STPG2: variants seen among roughly 807,000 people sequenced by gnomAD.
STPG2 encodes sperm tail PG-rich repeat containing 2, also known as sperm-tail PG-rich repeat-containing protein 2.
In STPG2, 56 loss-of-function variants were observed where a neutral mutation model predicts 54.2. The ratio of observed to expected loss-of-function variants is 1.03; its 90% CI spans 0.83 to 1.29. STPG2 has a LOEUF of 1.29. Among genes scored for constraint, STPG2 ranks in the 50% most tolerant of loss-of-function variants. The pLI, the probability that STPG2 is intolerant of heterozygous loss-of-function variation, is 0.00. For missense variants in STPG2, 596 were observed against 544.9 expected, an observed-to-expected ratio of 1.09 and a Z score of -0.93; for synonymous variants, 200 against 181.8, an observed-to-expected ratio of 1.10 and a Z score of -0.81.
intron 7 of STPG2, among the ~76,000 whole-genome samples, chr4:97,959,459 G>A (rs1211056575): frequency 9.2e-5 from 14 of 151,964 alleles, no homozygotes; most frequent in Admixed American, 2.0e-4. Context: ...CCATTAGCAA[G>A]ATTAACCAAG....
At chr4:97,465,796 T>C (rs1729774210) in intron 4 of STPG2, among the ~76,000 whole-genome samples, 1 of 152,120 alleles carries the variant, frequency 6.6e-6, no homozygotes, top group African/African-American at 2.4e-5. Context: ...TGCTGTTGAA[T>C]TGTACTTTTT....
At position 97,840,640 on chromosome 4, in the gene STPG2, G is replaced by GA. The variant is rs1728768448; in HGVS notation, c.1204+132dup. ...TGTTATTTTGTTACAGCACTGATGA[G>GA]AAAAATGGTTTTGTTATACATTATT... On this transcript the variant is annotated intron_variant, in intron 9 of 10. Transcript: ENST00000295268. 3 of 981,370 alleles carry GA rather than the reference G, an allele frequency of 3.1e-6. No homozygotes were observed. In the South Asian group the frequency reaches 5.5e-5, roughly 18 times the overall value. 60.8% of individuals were successfully genotyped at this position (981,370 alleles called of 1,614,324 possible). A position where few individuals can be genotyped will look rare whatever the true frequency, so the allele number is the denominator to read the frequency against.
chr4:97,941,001 A>C (rs1186600160), intron 8 of STPG2, among the ~76,000 whole-genome samples: 1 of 152,134 alleles, frequency 6.6e-6, no homozygotes, highest in Non-Finnish European at 1.5e-5. Context: ...TAGAGTTACT[A>C]AACTTTATGA....
chr4:97,569,798 TAC>T (rs1732552575), intron 10 of STPG2, among the ~76,000 whole-genome samples: 1 of 152,230 alleles, frequency 6.6e-6, no homozygotes, highest in African/African-American at 2.4e-5. Flanking sequence ...ACAGAATATT[TAC>T]ACAGTCTCAA....
chr4:97,837,742 C>G (rs1301230902), intron 9 of STPG2, among the ~76,000 whole-genome samples: 1 of 151,364 alleles, frequency 6.6e-6, no homozygotes, highest in Non-Finnish European at 1.5e-5. Flanking sequence ...AAAAACTTTA[C>G]TTATAAATAA....
chr4:97,795,591 A>C (rs1000277472), intron 9 of STPG2, among the ~76,000 whole-genome samples: 1 of 152,218 alleles, frequency 6.6e-6, no homozygotes, highest in Non-Finnish European at 1.5e-5. Flanking sequence ...AATCCAGTCT[A>C]TCATACATTG....
intron 5 of STPG2, among the ~76,000 whole-genome samples, chr4:97,992,160 T>A (rs1260816192): frequency 2.0e-5 from 3 of 152,200 alleles, no homozygotes; most frequent in Non-Finnish European, 4.4e-5. Context: ...TTCTTGGTCA[T>A]GAAGTCTTTG....
intron 10 of STPG2, among the ~76,000 whole-genome samples, chr4:97,668,411 G>T (rs1408000989): frequency 6.6e-6 from 1 of 152,116 alleles, no homozygotes; most frequent in Non-Finnish European, 1.5e-5. Context: ...TCATTTCAAT[G>T]AACATTGAAA....
At chr4:97,659,684 T>C (rs534249940) in intron 10 of STPG2, among the ~76,000 whole-genome samples, 81 of 152,320 alleles carry the variant, frequency 5.3e-4, no homozygotes, top group Admixed American at 3.0e-3. Context: ...ACCAGTTCAG[T>C]GATATAATAA....
At chr4:97,794,040 T>C (rs1234268137) in intron 9 of STPG2, among the ~76,000 whole-genome samples, 1 of 152,118 alleles carries the variant, frequency 6.6e-6, no homozygotes, top group Admixed American at 6.6e-5. Flanking sequence ...GCCACAAAGC[T>C]TCATAGCAAT....
intron 5 of STPG2, among the ~76,000 whole-genome samples, chr4:98,077,060 A>G (rs1738189080): frequency 6.6e-6 from 1 of 152,048 alleles, no homozygotes; most frequent in Non-Finnish European, 1.5e-5. Flanking sequence ...TCAAGATCAA[A>G]ATTATTTTCA....
intron 4 of STPG2, among the ~76,000 whole-genome samples, chr4:97,553,503 C>T (rs1340917827): frequency 1.3e-5 from 2 of 152,128 alleles, no homozygotes; most frequent in African/African-American, 4.8e-5. Context: ...CCTAGGACTG[C>T]TTTCACTTAA....
intron 1 of STPG2, 73 bp downstream of exon 1, chr4:98,142,969 C>A: frequency 7.5e-7 from 1 of 1,326,442 alleles, no homozygotes; most frequent in Non-Finnish European, 1.1e-6. Flanking sequence ...GTTTAACTCA[C>A]AAGCACGCAG....
intron 10 of STPG2, among the ~76,000 whole-genome samples, chr4:97,684,778 G>A (rs1723137310): frequency 6.6e-6 from 1 of 151,870 alleles, no homozygotes. Flanking sequence ...CTTCTGCTCT[G>A]AGAGAAACAC....
chr4:97,985,936 G>A (rs951235255), intron 5 of STPG2, among the ~76,000 whole-genome samples: 9 of 147,214 alleles, frequency 6.1e-5, no homozygotes, highest in Non-Finnish European at 1.0e-4. Context: ...GCAAGCGCAC[G>A]TGAGCGCACA....
intron 5 of STPG2, among the ~76,000 whole-genome samples, chr4:97,998,880 T>C (rs922922574): frequency 6.6e-6 from 1 of 152,174 alleles, no homozygotes; most frequent in Admixed American, 6.5e-5. Flanking sequence ...CAGTGGTTCC[T>C]GATCCAAGAC....
At position 97,668,466 on chromosome 4, in the gene STPG2, G is replaced by C. The variant is rs528570007; in HGVS notation, c.1320+44233C>G. Among the ~76,000 whole-genome samples the C allele has an allele frequency of 1.6e-4, 25 of 152,248 alleles. 1 individual carries two copies. The South Asian group carries it at 4.8e-3, about 29-fold the overall frequency. The stretch of plus-strand genomic sequence containing the variant: ...GGAAGATAACTGTGACTGTCAGATG[G>C]AGAAATCTGTAACAGAATGAGAAGC... On this transcript the variant is annotated intron_variant, in intron 10 of 10. Coordinates refer to ENST00000295268, the MANE Select transcript of STPG2 (RefSeq NM_174952.3).
chr4:97,636,084 C>G (rs376212140), intron 10 of STPG2, among the ~76,000 whole-genome samples: 11 of 151,744 alleles, frequency 7.2e-5, no homozygotes, highest in African/African-American at 1.2e-4. Context: ...TGACCACATA[C>G]TTGGAAGTAA....
intron 4 of STPG2, among the ~76,000 whole-genome samples, chr4:97,462,032 T>C (rs894259554): frequency 6.6e-6 from 1 of 152,104 alleles, no homozygotes; most frequent in Non-Finnish European, 1.5e-5. Flanking sequence ...CTTAACCTCA[T>C]GAAGATAGTC....
Sources: allele counts gnomAD v4.1 joint callset (sites outside exome capture counted in the v4.1 genomes callset), GRCh38; gene constraint gnomAD v4.1.1; transcripts MANE v1.5; gene names NCBI Gene and HGNC (gene_info 2026-07-23, HGNC 2026-07-21).